CCDC69: variants seen among roughly 807,000 people sequenced by gnomAD.
CCDC69 encodes coiled-coil domain-containing protein 69.
In CCDC69, 38 loss-of-function variants were observed where a neutral mutation model predicts 40.3. That is an observed-to-expected ratio of 0.94 (90% confidence interval 0.73 to 1.24). The LOEUF is 1.24. Ranked by LOEUF, CCDC69 falls within the 50% of genes most tolerant of loss-of-function variation. The pLI is 0.00. For missense variants in CCDC69, 389 were observed against 357.9 expected (o/e 1.09, Z -0.70); for synonymous variants, 141 against 138.9 (o/e 1.02, Z -0.11).
chr5:151,198,294 C>CGA (rs1331643871), intron 4 of CCDC69, among the ~76,000 whole-genome samples: 6 of 52,280 alleles, frequency 1.1e-4, no homozygotes, highest in African/African-American at 3.5e-4. Flanking sequence ...TGAGATTGAT[C>CGA]TATCTATCTA....
At chr5:151,209,483 C>G (rs1269204117) in intron 1 of CCDC69, among the ~76,000 whole-genome samples, 1 of 152,218 alleles carries the variant, frequency 6.6e-6, no homozygotes, top group East Asian at 1.9e-4. Flanking sequence ...ACTTGAGTCC[C>G]CAGCTCTTGA....
chr5:151,196,123 G>T (rs888468703), intron 4 of CCDC69, among the ~76,000 whole-genome samples: 1 of 152,112 alleles, frequency 6.6e-6, no homozygotes, highest in Non-Finnish European at 1.5e-5. Flanking sequence ...ACACTTTTAC[G>T]TACAAAATAA....
rs1561596695 is a variant in CCDC69, at chr5:151,183,516, CG to C, written c.811del (p.Arg271GlyfsTer137). 6.2e-7 allele frequency: 1 copy of C among 1,609,012 alleles called. No homozygotes were observed. Among genetic ancestry groups the C allele is most frequent in the Admixed American group, 1.7e-5 (1 of 59,092 alleles). ...AGGCGAGGCATTGGCCCCAAGGACC[CG>C]GTACAACAGCTCCTCCTTCTCCTGC... ...LQQEKEELLY[R>X]VLGANASPAF... On this transcript the variant is annotated frameshift_variant, in exon 9 of 9. Coordinates refer to ENST00000355417, the MANE Select transcript of CCDC69 (RefSeq NM_015621.3). LOFTEE classifies it high-confidence loss of function.
At chr5:151,205,192 A>G (rs1752836426) in intron 2 of CCDC69, among the ~76,000 whole-genome samples, 1 of 152,172 alleles carries the variant, frequency 6.6e-6, no homozygotes, top group East Asian at 1.9e-4. Context: ...AAACATATAT[A>G]GCACTCTAGG....
intron 4 of CCDC69, among the ~76,000 whole-genome samples, chr5:151,189,043 C>T (rs1752566090): frequency 6.6e-6 from 1 of 152,234 alleles, no homozygotes; most frequent in East Asian, 1.9e-4. Context: ...TACAAAATCA[C>T]TCAGCCTAAA....
rs1752539049 is a variant in CCDC69, at chr5:151,187,388, G to C, written c.391C>G (p.Gln131Glu). 1 of 1,613,802 alleles carries C rather than the reference G, an allele frequency of 6.2e-7. No homozygotes were observed. Among genetic ancestry groups the C allele is most frequent in the Non-Finnish European group, 8.5e-7 (1 of 1,179,746 alleles). Reference protein sequence around the residue: ...HSFREASSTQQETIDRLTSQL... With the variant: ...HSFREASSTQEETIDRLTSQL... ...TGACACGACCCAGCCCCTCTCACCT[G>C]CTGGGTAGAACTGGCCTCCCGGAAA... Residue 131 changes from glutamine (Q) to glutamate (E), a missense_variant and splice_region_variant, in exon 5 of 9, where the codon CAG becomes GAG. Coordinates refer to ENST00000355417, the MANE Select transcript of CCDC69 (RefSeq NM_015621.3).
rs761518787 is a variant in CCDC69 at position 151,201,605 on chromosome 5, C to G, written c.208G>C (p.Glu70Gln). 4 of 1,613,292 alleles carry G rather than the reference C, an allele frequency of 2.5e-6. No homozygotes were observed. The highest frequency in any genetic ancestry group is 2.5e-6 in the Non-Finnish European group (3 of 1,179,444). ...ACCTGTTGTGCCCATTTCTTCTTTT[C>G]CTCCTCATGTTGCTGGAGAATTCTG... ...ITRILQQHEE[E>Q]KKKWAQQVEK... Residue 70 changes from glutamate to glutamine, a missense_variant, in exon 3 of 9, where the codon GAA becomes CAA. Coordinates refer to ENST00000355417, the MANE Select transcript of CCDC69 (RefSeq NM_015621.3).
chr5:151,214,244 C>G (rs564195536), intron 1 of CCDC69, among the ~76,000 whole-genome samples: 1 of 152,304 alleles, frequency 6.6e-6, no homozygotes, highest in Admixed American at 6.5e-5. Flanking sequence ...TTTCCGGTGT[C>G]TGGCCCAGCA....
chr5:151,222,706 C>T (rs1216085376), intron 1 of CCDC69, among the ~76,000 whole-genome samples: 2 of 152,188 alleles, frequency 1.3e-5, no homozygotes, highest in Non-Finnish European at 2.9e-5. Flanking sequence ...TCCCTGTCAG[C>T]CAGCCCCTTC....
chr5:151,221,808 T>A (rs1753138496), intron 1 of CCDC69, among the ~76,000 whole-genome samples: 1 of 152,236 alleles, frequency 6.6e-6, no homozygotes, highest in Admixed American at 6.5e-5. Context: ...TTTTTGTCCA[T>A]CCCATCCCTG....
intron 1 of CCDC69, 58 bp from the exon 2 acceptor site, chr5:151,205,533 A>G: frequency 7.1e-7 from 1 of 1,416,508 alleles, no homozygotes; most frequent in Non-Finnish European, 1.0e-6. Flanking sequence ...CAATGCGAGG[A>G]CGGGCTGCTA....
chr5:151,194,891 C>CAAAAAAAAAAAAAA (rs59836328), intron 4 of CCDC69, among the ~76,000 whole-genome samples: 1 of 92,334 alleles, frequency 1.1e-5, no homozygotes, highest in African/African-American at 4.4e-5. Flanking sequence ...GCCTCCATCT[C>CAAAAAAAAAAAAAA]AAAAAAAAAA....
At chr5:151,206,113 T>C (rs1752850663) in intron 1 of CCDC69, among the ~76,000 whole-genome samples, 1 of 152,214 alleles carries the variant, frequency 6.6e-6, no homozygotes, top group African/African-American at 2.4e-5. Context: ...GAGGTTTCCT[T>C]GACCTCCTCT....
chr5:151,202,071 G>A (rs906686503), intron 2 of CCDC69, among the ~76,000 whole-genome samples: 11 of 151,846 alleles, frequency 7.2e-5, no homozygotes, highest in South Asian at 6.2e-4. Context: ...AAAATTAGTC[G>A]CTGGCCAGAC....
At position 151,223,996 on chromosome 5, in the gene CCDC69, G is replaced by T. The variant is rs756711094; in HGVS notation, c.-26C>A. On this transcript the variant is annotated 5_prime_UTR_variant, in exon 1 of 9. Transcript: ENST00000355417. ...CCTCCTCCGGGGGCTCCCGGACGCCGCTTCCCAACTCCGGGGCCCCCAGAG... is the reference window on the plus strand; with the variant it reads ...CCTCCTCCGGGGGCTCCCGGACGCCTCTTCCCAACTCCGGGGCCCCCAGAG... The T allele has an allele frequency of 6.5e-6, 10 of 1,545,250 alleles. No individual in the cohort carries two copies. In the Admixed American group the frequency reaches 1.5e-4, roughly 23 times the overall value.
intron 3 of CCDC69, among the ~76,000 whole-genome samples, chr5:151,200,821 A>T (rs966464328): frequency 6.6e-6 from 1 of 152,208 alleles, no homozygotes. Context: ...CCTCCGTGTC[A>T]TCCCTTTAGA....
intron 1 of CCDC69, among the ~76,000 whole-genome samples, chr5:151,216,020 G>A (rs1402460529): frequency 6.6e-6 from 1 of 152,244 alleles, no homozygotes; most frequent in Non-Finnish European, 1.5e-5. Context: ...GTGCAGTGGT[G>A]TATTCTTGGC....
intron 4 of CCDC69, among the ~76,000 whole-genome samples, chr5:151,195,733 A>AAC (rs1044124489): frequency 1.3e-4 from 19 of 150,250 alleles, no homozygotes; most frequent in African/African-American, 1.2e-4. Context: ...AAAAAAAAAA[A>AAC]AAAAAACACG....
intron 4 of CCDC69, among the ~76,000 whole-genome samples, chr5:151,187,766 C>T (rs531196502): frequency 6.6e-6 from 1 of 152,346 alleles, no homozygotes; most frequent in African/African-American, 2.4e-5. Context: ...GAAGCATGTT[C>T]ACCTAAGACC....
Sources: allele counts gnomAD v4.1 joint callset (sites outside exome capture counted in the v4.1 genomes callset), GRCh38; gene constraint gnomAD v4.1.1; transcripts MANE v1.5; gene names NCBI Gene and HGNC (gene_info 2026-07-23, HGNC 2026-07-21).